PPM1A: variants seen among roughly 807,000 people sequenced by gnomAD.
PPM1A encodes the protein protein phosphatase, Mg2+/Mn2+ dependent 1A.
A neutral mutation model predicts 35.0 loss-of-function variants in PPM1A; 7 were observed. The ratio of observed to expected loss-of-function variants is 0.20; its 90% CI spans 0.11 to 0.38. The LOEUF (loss-of-function observed/expected upper bound fraction) is 0.38, where lower values mean the gene tolerates loss of function less well. PPM1A is among the 10% of genes least tolerant of loss of function. The pLI is 1.00. For synonymous variants in PPM1A, 153 were observed against 167.3 expected, an observed-to-expected ratio of 0.91 and a Z score of 0.66; for missense variants, 239 against 467.8, an observed-to-expected ratio of 0.51 and a Z score of 4.51.
chr14:60,249,865 A>AGCGG lies in PPM1A; in HGVS notation c.-21+188_-21+189insGCGG, dbSNP rs1225212979. 1.3e-5 allele frequency among the ~76,000 whole-genome samples: 2 copies of AGCGG among 151,126 alleles called. No individual in the cohort carries two copies. Among genetic ancestry groups the AGCGG allele is most frequent in the Non-Finnish European group, 3.0e-5 (2 of 67,650 alleles). ...GCCGGGCGGCGGACGGCGAGGGGTT[A>AGCGG]ACGCTCGGCGAGGGCGGTGGCGGGG... On this transcript the variant is annotated intron_variant, in intron 1 of 5. Coordinates refer to ENST00000395076, the MANE Select transcript of PPM1A (RefSeq NM_021003.5). The surrounding 1 kb of genome is among the most constrained non-coding windows in gnomAD (Gnocchi z 4.5).
At chr14:60,263,122 GC>G (rs1237746402) in intron 1 of PPM1A, among the ~76,000 whole-genome samples, 1 of 152,094 alleles carries the variant, frequency 6.6e-6, no homozygotes, top group African/African-American at 2.4e-5. Context: ...GGAGGCCGAG[GC>G]AGGAGAATTG....
intron 1 of PPM1A, among the ~76,000 whole-genome samples, chr14:60,267,785 A>G (rs745755001): frequency 6.6e-6 from 1 of 151,888 alleles, no homozygotes; most frequent in Non-Finnish European, 1.5e-5. Flanking sequence ...AATTGTTAAC[A>G]TTTTTCCACA....
chr14:60,254,892 A>T (rs1882872591), intron 1 of PPM1A, among the ~76,000 whole-genome samples: 1 of 152,192 alleles, frequency 6.6e-6, no homozygotes, highest in African/African-American at 2.4e-5. Context: ...GACACTTTCC[A>T]TGATTGGACC....
At chr14:60,278,656 A>C (rs1303482161) in intron 1 of PPM1A, among the ~76,000 whole-genome samples, 1 of 152,176 alleles carries the variant, frequency 6.6e-6, no homozygotes, top group Non-Finnish European at 1.5e-5. Flanking sequence ...CCAGTGAATA[A>C]AACAAAAAGT....
intron 3 of PPM1A, chr14:60,287,765 A>C: frequency 1.0e-6 from 1 of 982,136 alleles, no homozygotes; most frequent in Non-Finnish European, 1.2e-6. Flanking sequence ...CATAATTTAT[A>C]CTACTATTAA....
chr14:60,281,398 T>C (rs1886394537), intron 1 of PPM1A, among the ~76,000 whole-genome samples: 1 of 152,270 alleles, frequency 6.6e-6, no homozygotes, highest in South Asian at 2.1e-4. Context: ...GGAAAACAAA[T>C]GTTTTTCTTT....
At chr14:60,268,801 T>C (rs1010498813) in intron 1 of PPM1A, among the ~76,000 whole-genome samples, 3 of 152,072 alleles carry the variant, frequency 2.0e-5, no homozygotes, top group African/African-American at 4.8e-5. Context: ...TGTAGAAATA[T>C]GTAAACTCAA....
Position 60,249,364 on chromosome 14 carries a change from GGT to G in PPM1A, c.-332_-331del. 2 of 871,060 alleles carry G rather than the reference GGT, an allele frequency of 2.3e-6. No homozygotes were observed. The highest frequency in any genetic ancestry group is 1.2e-4 in the East Asian group (1 of 8,152). 54.0% of individuals were successfully genotyped at this position (871,060 alleles called of 1,614,324 possible). On this transcript the variant is annotated 5_prime_UTR_variant, in exon 1 of 6. Coordinates refer to ENST00000395076, the MANE Select transcript of PPM1A (RefSeq NM_021003.5). The surrounding 1 kb of genome is among the most constrained non-coding windows in gnomAD (Gnocchi z 4.5). The stretch of plus-strand genomic sequence containing the variant: ...CGGAACGGGTGGTTGGGGAGGGGGG[GGT>G]GGGGGGACTCTAGACAGCTGAGGCG...
intron 1 of PPM1A, among the ~76,000 whole-genome samples, chr14:60,261,276 T>A (rs1304174326): frequency 6.6e-6 from 1 of 152,166 alleles, no homozygotes; most frequent in Non-Finnish European, 1.5e-5. Flanking sequence ...ACTGAGTTTG[T>A]TGGCATCAGA....
rs935718890 is a variant in PPM1A, at chr14:60,249,360, G to C, written c.-338G>C. The stretch of plus-strand genomic sequence containing the variant: ...GCTCCGGAACGGGTGGTTGGGGAGG[G>C]GGGGGTGGGGGGACTCTAGACAGCT... On this transcript the variant is annotated 5_prime_UTR_variant, in exon 1 of 6. Coordinates refer to ENST00000395076, the MANE Select transcript of PPM1A (RefSeq NM_021003.5). This position sits in a 1 kb window ranked among gnomAD's most constrained non-coding sequence, Gnocchi z 4.5. The C allele has an allele frequency of 9.2e-6, 9 of 982,278 alleles. No homozygotes were observed. The highest frequency in any genetic ancestry group is 1.8e-5 in the African/African-American group (1 of 57,024). 60.8% of individuals were successfully genotyped at this position (982,278 alleles called of 1,614,324 possible). A position where few individuals can be genotyped will look rare whatever the true frequency, so the allele number is the denominator to read the frequency against.
intron 3 of PPM1A, chr14:60,287,809 A>T (rs1887190352): frequency 3.1e-6 from 3 of 982,936 alleles, no homozygotes; most frequent in African/African-American, 1.7e-5. Flanking sequence ...TTAAAATTAT[A>T]CTTTTGTGTA....
At chr14:60,286,243 T>G in intron 3 of PPM1A, 2 of 985,992 alleles carry the variant, frequency 2.0e-6, no homozygotes, top group Non-Finnish European at 2.4e-6. Context: ...TTAAACTGTT[T>G]CAGAGCTTCT....
Position 60,249,463 on chromosome 14 carries a change from C to G in PPM1A, c.-235C>G. ...GCTCTCTGCCTCCCTCTCCAACGCC[C>G]GGATGATCTGAGCCGCGAGGGCGCC... On this transcript the variant is annotated 5_prime_UTR_variant, in exon 1 of 6. Transcript: ENST00000395076. The surrounding 1 kb of genome is among the most constrained non-coding windows in gnomAD (Gnocchi z 4.5). The G allele has an allele frequency of 1.0e-6, 1 of 985,662 alleles. No individual in the cohort carries two copies. The highest frequency in any genetic ancestry group is 1.2e-6 in the Non-Finnish European group (1 of 830,560). 61.1% of individuals were successfully genotyped at this position (985,662 alleles called of 1,614,324 possible).
chr14:60,282,564 A>G lies in PPM1A; in HGVS notation c.-20-120A>G. The G allele has an allele frequency of 2.4e-6, 3 of 1,254,582 alleles. No individual in the cohort carries two copies. The highest frequency in any genetic ancestry group is 1.5e-5 in the African/African-American group (1 of 66,192). The allele number at this position is 1,254,582 out of a possible 1,614,324, so 77.7% of individuals were successfully genotyped here. On this transcript the variant is annotated intron_variant, in intron 1 of 5. Coordinates refer to ENST00000395076, the MANE Select transcript of PPM1A (RefSeq NM_021003.5). The surrounding 1 kb of genome is among the most constrained non-coding windows in gnomAD (Gnocchi z 5.1). ...AGATTCCAAGTCAGCAACACAATGA[A>G]TGTCTGCTTATCGCGAGTTGTGAAT...
chr14:60,264,751 C>G (rs1595296056), intron 1 of PPM1A, among the ~76,000 whole-genome samples: 1 of 152,118 alleles, frequency 6.6e-6, no homozygotes, highest in Non-Finnish European at 1.5e-5. Context: ...TTTACTAATT[C>G]ACACTTTGAC....
intron 1 of PPM1A, among the ~76,000 whole-genome samples, chr14:60,279,154 T>G (rs1484999706): frequency 6.6e-6 from 1 of 152,242 alleles, no homozygotes; most frequent in Non-Finnish European, 1.5e-5. Context: ...GTTTCGCTCT[T>G]GCTGCCCGGG....
chr14:60,255,418 G>A (rs369695785), intron 1 of PPM1A, among the ~76,000 whole-genome samples: 58 of 152,002 alleles, frequency 3.8e-4, no homozygotes, highest in Admixed American at 3.3e-3. Context: ...TGATCCGCCC[G>A]CCTCGGCCTC....
chr14:60,285,941 A>G (rs781529278), intron 3 of PPM1A, 200 bp downstream of exon 3: 142 of 1,273,330 alleles, frequency 1.1e-4, no homozygotes, highest in Admixed American at 3.1e-4. Context: ...AATAACAACT[A>G]GTGTGGAAAG....
chr14:60,283,983 G>C lies in PPM1A; in HGVS notation c.834+446G>C, dbSNP rs1886669844. Among the ~76,000 whole-genome samples the C allele has an allele frequency of 6.6e-6, 1 of 152,206 alleles. No individual in the cohort carries two copies. The highest frequency in any genetic ancestry group is 1.5e-5 in the Non-Finnish European group (1 of 68,040). On this transcript the variant is annotated intron_variant, in intron 2 of 5. Coordinates refer to ENST00000395076, the MANE Select transcript of PPM1A (RefSeq NM_021003.5). The surrounding 1 kb of genome is among the most constrained non-coding windows in gnomAD (Gnocchi z 6.3). ...CTGTAGCACTTGAAAGAGGAATGTA[G>C]TGATCATTAGACGTGATGTAATAGA...
Sources: gnomAD v4.1 joint callset for allele counts (sites outside exome capture counted in the v4.1 genomes callset) on GRCh38, gnomAD v4.1.1 for gene constraint, Gnocchi (gnomAD v3.1) non-coding constraint, MANE v1.5 for transcripts, NCBI Gene and HGNC (gene_info 2026-07-23, HGNC 2026-07-21) for gene names.